The following GIP variants were observed in gnomAD, a reference collection of about 807,000 sequenced individuals.
GIP encodes the protein glucose-dependent insulinotropic polypeptide.
In GIP, 16 loss-of-function variants were observed where a neutral mutation model predicts 18.1. The observed-to-expected ratio is 0.88, with a 90% CI of 0.60 to 1.34. The LOEUF (loss-of-function observed/expected upper bound fraction) is 1.34. Among genes scored for constraint, GIP ranks in the 40% most tolerant of loss-of-function variants. The pLI is 0.00. For synonymous variants in GIP, 76 were observed against 74.0 expected (o/e 1.03, Z -0.14); for missense variants, 192 against 183.4 (o/e 1.05, Z -0.27).
rs773997543 is a variant in GIP, at chr17:48,964,480, G to A, written c.87C>T (p.Ser29=). Residue 29 remains serine (S), a splice_region_variant and synonymous_variant, in exon 3 of 6, where the codon AGC becomes AGT. Transcript: ENST00000357424. ...ATCCAACAGGCAGGGAGGGGAGAGC[G>A]CTGGAAACAAGGGTGCGGAGAAGGG... ...GLGEKKEGHF[S]ALPSLPVGSH... 227 of 1,613,494 alleles carry A rather than the reference G, an allele frequency of 1.4e-4. 1 individual carries two copies. In the South Asian group the frequency reaches 2.4e-3, roughly 17 times the overall value.
In GIP at chr17:48,961,917, C is replaced by T. The variant is rs1037562076; in HGVS notation, c.258-98G>A. ...TCTGAACCCCAAAAGCAGAGGGTAC[C>T]TTTTTCCACTCAACCCCACCTAACA... On this transcript the variant is annotated intron_variant, in intron 3 of 5. Coordinates refer to ENST00000357424, the MANE Select transcript of GIP (RefSeq NM_004123.3). 5.0e-6 allele frequency: 4 copies of T among 806,170 alleles called. No homozygotes were observed. The African/African-American group carries it at 5.0e-5, about 10-fold the overall frequency. The allele number at this position is 806,170 out of a possible 1,614,324, so 49.9% of individuals were successfully genotyped here. A position where few individuals can be genotyped will look rare whatever the true frequency, so the allele number is the denominator to read the frequency against.
chr17:48,967,211 C>G lies in GIP; in HGVS notation c.22G>C (p.Ala8Pro). The part of the protein sequence containing the change: MVATKTF[A>P]LLLLSLFLAV... ...AGGAACAGGGACAGCAGCAGCAGAG[C>G]AAAGGTCTTCGTGGCCACCATCTTC... The change falls in exon 2 of 6, where the codon GCT becomes CCT. Residue 8 changes from alanine to proline, a missense_variant. Coordinates refer to ENST00000357424, the MANE Select transcript of GIP (RefSeq NM_004123.3). 1 of 1,614,042 alleles carries G rather than the reference C, an allele frequency of 6.2e-7. No homozygotes were observed. The highest frequency in any genetic ancestry group is 8.5e-7 in the Non-Finnish European group (1 of 1,179,948).
chr17:48,968,565 T>G lies in GIP; in HGVS notation c.-70A>C, dbSNP rs552742826. The G allele has an allele frequency of 6.6e-6, 1 of 152,226 alleles. No individual in the cohort carries two copies. Among genetic ancestry groups the G allele is most frequent in the Non-Finnish European group, 1.5e-5 (1 of 68,076 alleles). 9.4% of individuals were successfully genotyped at this position (152,226 alleles called of 1,614,324 possible). A position where few individuals can be genotyped will look rare whatever the true frequency, so the allele number is the denominator to read the frequency against. ...AGAAGAAGGACAGATAGGGGTCTCC[T>G]TCCCCTGATTTCTGGACCTTCTGAG... On this transcript the variant is annotated 5_prime_UTR_variant, in exon 1 of 6. Coordinates refer to ENST00000357424, the MANE Select transcript of GIP (RefSeq NM_004123.3).
intron 3 of GIP, among the ~76,000 whole-genome samples, chr17:48,963,798 G>A (rs1431597487): frequency 5.7e-5 from 7 of 123,004 alleles, no homozygotes; most frequent in Admixed American, 5.3e-4. Context: ...CAAAGATTGC[G>A]CCATTGCACT....
intron 5 of GIP, among the ~76,000 whole-genome samples, chr17:48,958,941 AC>A (rs2041184175): frequency 7.1e-6 from 1 of 141,136 alleles, no homozygotes; most frequent in Non-Finnish European, 1.5e-5. Flanking sequence ...CGCAAGCTCC[AC>A]CTCCTGGGTT....
chr17:48,960,415 C>T lies in GIP; in HGVS notation c.452+471G>A, dbSNP rs1467329787. On this transcript the variant is annotated intron_variant, in intron 5 of 5. Transcript: ENST00000357424. ...TCTGTGTGTAGGGACAGGCAGGCCA[C>T]AGGATGGGCTCAGCTCTGTGTGTAG... Among the ~76,000 whole-genome samples, 41 of 100,158 alleles carry T rather than the reference C, an allele frequency of 4.1e-4. 1 individual carries two copies. Among genetic ancestry groups the T allele is most frequent in the Non-Finnish European group, 4.5e-4 (23 of 50,664 alleles). 65.7% of individuals were successfully genotyped at this position (100,158 alleles called of 152,430 possible). A position where few individuals can be genotyped will look rare whatever the true frequency, so the allele number is the denominator to read the frequency against.
intron 2 of GIP, 148 bp downstream of exon 2, chr17:48,966,999 A>T (rs1010479702): frequency 3.2e-6 from 2 of 622,896 alleles, no homozygotes; most frequent in Non-Finnish European, 2.9e-6. Flanking sequence ...CTCACTTTGC[A>T]CTCACGCTGC....
intron 5 of GIP, 25 bp from the exon 6 acceptor site, chr17:48,958,741 GA>G (rs748498382): frequency 6.4e-7 from 1 of 1,571,994 alleles, no homozygotes; most frequent in African/African-American, 1.4e-5. Flanking sequence ...GAAAGGAGAA[GA>G]AGGTTGTTAT....
chr17:48,964,159 C>CAAAA (rs11380752), intron 3 of GIP, 151 bp downstream of exon 3: 77 of 357,564 alleles, frequency 2.2e-4, no homozygotes, highest in East Asian at 6.1e-4. Flanking sequence ...GACTCCATCT[C>CAAAA]AAAAAAAAAA....
chr17:48,960,969 G>A lies in GIP; in HGVS notation c.369C>T (p.Pro123=). Residue 123 remains proline (P), a synonymous_variant, in exon 5 of 6, where the codon CCC becomes CCT. Transcript: ENST00000357424. The stretch of plus-strand genomic sequence containing the variant: ...AGTCCCGCAGCAAATCTTCATCGCT[G>A]GGGTTCTTGGCTGGGGAGCTGCAAG... ...VEPQSSPAKN[P]SDEDLLRDLL... The A allele has an allele frequency of 6.2e-7, 1 of 1,608,224 alleles. No homozygotes were observed. The highest frequency in any genetic ancestry group is 8.5e-7 in the Non-Finnish European group (1 of 1,177,532).
rs768289436 is a variant in GIP at position 48,964,410 on chromosome 17, C to T, written c.157G>A (p.Ala53Thr). 1.5e-5 allele frequency: 24 copies of T among 1,613,782 alleles called. No homozygotes were observed. In the East Asian group the frequency reaches 2.7e-4, roughly 18 times the overall value. ...SSPQPRGPRY[A>T]EGTFISDYSI... ...TAGTCACTGATGAAAGTCCCTTCCG[C>T]GTACCTGGGGCCTCGAGGTTGAGGG... Residue 53 changes from alanine (A) to threonine (T), a missense_variant, in exon 3 of 6, where the codon GCG (alanine) becomes ACG (threonine). Ala to Thr is a moderately conservative substitution (Grantham distance 58, BLOSUM62 0). Transcript: ENST00000357424.
Position 48,960,914 on chromosome 17 carries a change from G to A in GIP, c.424C>T (p.Leu142=), listed in dbSNP as rs746231064. The A allele has an allele frequency of 1.2e-6, 2 of 1,606,222 alleles. No individual in the cohort carries two copies. The highest frequency in any genetic ancestry group is 1.3e-5 in the African/African-American group (1 of 75,000). ...LLIQELLACL[L]DQTNLCRLRS... The stretch of plus-strand genomic sequence containing the variant: ...AGCCTGCAGAGGTTTGTCTGATCCA[G>A]CAAGCAGGCCAACAGCTCTTGAATC... The change falls in exon 5 of 6, where the codon CTG becomes TTG. Residue 142 remains leucine, a synonymous_variant. Coordinates refer to ENST00000357424, the MANE Select transcript of GIP (RefSeq NM_004123.3).
At position 48,960,966 on chromosome 17, in the gene GIP, G is replaced by A. The variant is rs141476916; in HGVS notation, c.372C>T (p.Ser124=). ...EPQSSPAKNP[S]DEDLLRDLLI... ...GCAAGTCCCGCAGCAAATCTTCATC[G>A]CTGGGGTTCTTGGCTGGGGAGCTGC... Residue 124 remains serine, a synonymous_variant, in exon 5 of 6, where the codon AGC becomes AGT. Coordinates refer to ENST00000357424, the MANE Select transcript of GIP (RefSeq NM_004123.3). The A allele has an allele frequency of 3.0e-5, 48 of 1,608,814 alleles. No individual in the cohort carries two copies. Among genetic ancestry groups the A allele is most frequent in the African/African-American group, 2.8e-4 (21 of 75,018 alleles).
At position 48,965,138 on chromosome 17, in the gene GIP, C is replaced by CAAAAAAAAAAAAAAAAAAAAAAAAAAA. The variant is rs33956589; in HGVS notation, c.87-659_87-658insTTTTTTTTTTTTTTTTTTTTTTTTTTT. Among the ~76,000 whole-genome samples the CAAAAAAAAAAAAAAAAAAAAAAAAAAA allele has an allele frequency of 3.6e-4, 39 of 109,590 alleles. 8 individuals carry two copies. The highest frequency in any genetic ancestry group is 7.6e-4 in the African/African-American group (16 of 21,126). 71.9% of individuals were successfully genotyped at this position (109,590 alleles called of 152,430 possible). On this transcript the variant is annotated intron_variant, in intron 2 of 5. Transcript: ENST00000357424. ...TGGGAGACAGAGCGAGACTCCGTCT[C>CAAAAAAAAAAAAAAAAAAAAAAAAAAA]AAAAAAAAAAAAATTAGCCAGGCGT...
chr17:48,961,102 C>T, intron 4 of GIP, 115 bp from the exon 5 acceptor site: 4 of 639,368 alleles, frequency 6.3e-6, no homozygotes, highest in Non-Finnish European at 8.0e-6. Flanking sequence ...AGGGAGCCGA[C>T]ACAGCTATCT....
In GIP at chr17:48,961,739, A is replaced by G. The variant is rs769085339; in HGVS notation, c.338T>C (p.Val113Ala). The G allele has an allele frequency of 5.0e-6, 8 of 1,609,314 alleles. No individual in the cohort carries two copies. The Admixed American group carries it at 6.7e-5, about 13-fold the overall frequency. The change falls in exon 4 of 6, where the codon GTG becomes GCG. Residue 113 changes from valine (V) to alanine (A), a missense_variant. Val to Ala is a moderately conservative substitution (Grantham distance 64). Coordinates refer to ENST00000357424, the MANE Select transcript of GIP (RefSeq NM_004123.3). ...CGCCCTGACTCACCTCTGTGGCTCC[A>G]CTGCCTCCTCCTCCTTCCTATTAGC... ...SQANRKEEEA[V>A]EPQSSPAKNP... is the part of the protein sequence containing the mutation.
At chr17:48,964,968 T>C (rs1417419223) in intron 2 of GIP, among the ~76,000 whole-genome samples, 2 of 150,538 alleles carry the variant, frequency 1.3e-5, no homozygotes, top group Non-Finnish European at 3.0e-5. Context: ...TGAAACCCCG[T>C]CTCTACTAAA....
chr17:48,959,069 T>G (rs2041185052), intron 5 of GIP, among the ~76,000 whole-genome samples: 1 of 152,066 alleles, frequency 6.6e-6, no homozygotes, highest in Non-Finnish European at 1.5e-5. Flanking sequence ...TTAGCCAGGA[T>G]GGTCTCGATC....
intron 2 of GIP, among the ~76,000 whole-genome samples, chr17:48,964,690 A>AT (rs2041224692): frequency 1.3e-5 from 2 of 152,168 alleles, no homozygotes; most frequent in East Asian, 3.9e-4. Context: ...GTGGCTCTGG[A>AT]TTCTGGGCAA....
Sources: allele counts gnomAD v4.1 joint callset (sites outside exome capture counted in the v4.1 genomes callset), GRCh38; gene constraint gnomAD v4.1.1; transcripts MANE v1.5; gene names NCBI Gene and HGNC (gene_info 2026-07-23, HGNC 2026-07-21).